The following SEMA5A variants were observed in gnomAD, a reference collection of about 807,000 sequenced individuals.
SEMA5A encodes semaphorin-5A.
Under a neutral mutation model 135.5 loss-of-function variants are expected in SEMA5A, and 55 were observed. The ratio of observed to expected loss-of-function variants is 0.41; its 90% CI spans 0.33 to 0.51. SEMA5A has a LOEUF of 0.51. Ranked by LOEUF, SEMA5A falls within the 20% of genes least tolerant of loss-of-function variation. The pLI is 0.37. For synonymous variants in SEMA5A, 580 were observed against 546.5 expected (o/e 1.06, Z -0.85); for missense variants, 1,290 against 1,419.9 (o/e 0.91, Z 1.47).
Position 9,205,077 on chromosome 5 carries a change from T to A in SEMA5A, c.647-2837A>T, listed in dbSNP as rs979777380. 1.1e-4 allele frequency among the ~76,000 whole-genome samples: 17 copies of A among 152,128 alleles called. No homozygotes were observed. The South Asian group carries it at 3.5e-3, about 32-fold the overall frequency. On this transcript the variant is annotated intron_variant, in intron 8 of 22. Transcript: ENST00000382496. ...GTTTAGGGACCACTGCATTACACTA[T>A]ACTGAAAAAAATAAATAGTGCTTGC...
At chr5:9,477,703 C>T (rs1176421624) in intron 1 of SEMA5A, among the ~76,000 whole-genome samples, 2 of 152,166 alleles carry the variant, frequency 1.3e-5, no homozygotes, top group African/African-American at 2.4e-5. Context: ...AAGATGTGAC[C>T]TGGGTGCTCC....
chr5:9,062,842 G>A, intron 18 of SEMA5A, 45 bp downstream of exon 18: 1 of 1,594,476 alleles, frequency 6.3e-7, no homozygotes, highest in Non-Finnish European at 8.6e-7. Context: ...ACTCTCCAAG[G>A]CCCTTGAGTT....
At chr5:9,386,222 T>C (rs1017799986) in intron 2 of SEMA5A, among the ~76,000 whole-genome samples, 2 of 152,122 alleles carry the variant, frequency 1.3e-5, no homozygotes, top group African/African-American at 4.8e-5. Context: ...AATGCAGAAA[T>C]ACTAAAGAAT....
At chr5:9,475,542 T>C (rs1759638464) in intron 1 of SEMA5A, among the ~76,000 whole-genome samples, 1 of 152,204 alleles carries the variant, frequency 6.6e-6, no homozygotes, top group African/African-American at 2.4e-5. Flanking sequence ...TTATTTTCCA[T>C]TTCATAAAAG....
chr5:9,173,804 A>T (rs1425922217), intron 11 of SEMA5A, among the ~76,000 whole-genome samples: 1 of 152,202 alleles, frequency 6.6e-6, no homozygotes, highest in Non-Finnish European at 1.5e-5. Context: ...CTCCAAGGAA[A>T]TGTTGATCTG....
rs1265457605 is a variant in SEMA5A at position 9,038,145 on chromosome 5, G to A, written c.*4752C>T. On this transcript the variant is annotated 3_prime_UTR_variant, in exon 23 of 23. Transcript: ENST00000382496. ...AAGTTAGGATGAACAAATGGGCTAG[G>A]CAAGGCCAAGGCCATCTGTAAACTC... 6.6e-6 allele frequency: 1 copy of A among 152,228 alleles called. No homozygotes were observed. The highest frequency in any genetic ancestry group is 1.9e-4 in the East Asian group (1 of 5,196). 9.4% of individuals were successfully genotyped at this position (152,228 alleles called of 1,614,324 possible). A position where few individuals can be genotyped will look rare whatever the true frequency, so the allele number is the denominator to read the frequency against.
intron 1 of SEMA5A, among the ~76,000 whole-genome samples, chr5:9,502,686 G>C (rs1735659315): frequency 6.6e-6 from 1 of 152,164 alleles, no homozygotes; most frequent in Non-Finnish European, 1.5e-5. Flanking sequence ...CGCAGTCATA[G>C]TGGGAGGCCT....
intron 1 of SEMA5A, among the ~76,000 whole-genome samples, chr5:9,538,860 C>T (rs1193481145): frequency 6.6e-6 from 1 of 152,192 alleles, no homozygotes; most frequent in Admixed American, 6.5e-5. Flanking sequence ...AAAACATTTC[C>T]CAGTAGACGC....
chr5:9,104,672 A>G (rs1479501661), intron 16 of SEMA5A, among the ~76,000 whole-genome samples: 1 of 152,206 alleles, frequency 6.6e-6, no homozygotes, highest in African/African-American at 2.4e-5. Flanking sequence ...GTGGAGAAGT[A>G]GAACAGCAGG....
intron 16 of SEMA5A, among the ~76,000 whole-genome samples, chr5:9,070,958 A>G (rs1182371421): frequency 6.6e-6 from 1 of 152,178 alleles, no homozygotes; most frequent in Non-Finnish European, 1.5e-5. Flanking sequence ...TTTACTAGAG[A>G]ACTGCTGCTG....
At chr5:9,093,385 G>A (rs949818405) in intron 16 of SEMA5A, among the ~76,000 whole-genome samples, 2 of 152,112 alleles carry the variant, frequency 1.3e-5, no homozygotes, top group African/African-American at 4.8e-5. Flanking sequence ...GTTGGTACAG[G>A]TCTAATTATG....
At chr5:9,152,334 T>C (rs1742677772) in intron 12 of SEMA5A, among the ~76,000 whole-genome samples, 1 of 152,168 alleles carries the variant, frequency 6.6e-6, no homozygotes. Context: ...CCCAATCCTG[T>C]TACCCACTGA....
At chr5:9,218,386 G>A (rs765810955) in intron 8 of SEMA5A, among the ~76,000 whole-genome samples, 1 of 152,126 alleles carries the variant, frequency 6.6e-6, no homozygotes, top group Non-Finnish European at 1.5e-5. Context: ...GGAAGTTTGG[G>A]CAGAACAGTG....
intron 1 of SEMA5A, among the ~76,000 whole-genome samples, chr5:9,476,070 T>A (rs564897565): frequency 6.6e-6 from 1 of 152,232 alleles, no homozygotes; most frequent in Non-Finnish European, 1.5e-5. Flanking sequence ...CATTCACATA[T>A]AATAGATATT....
intron 1 of SEMA5A, among the ~76,000 whole-genome samples, chr5:9,439,650 G>C (rs1443140076): frequency 6.6e-6 from 1 of 152,086 alleles, no homozygotes; most frequent in East Asian, 1.9e-4. Flanking sequence ...AAGAGACTGG[G>C]GCCAAAAAGA....
intron 16 of SEMA5A, among the ~76,000 whole-genome samples, chr5:9,069,352 G>A (rs1266802765): frequency 1.3e-5 from 2 of 152,000 alleles, no homozygotes; most frequent in African/African-American, 2.4e-5. Flanking sequence ...ATGCTTCTTC[G>A]ATGTATTTCC....
intron 5 of SEMA5A, among the ~76,000 whole-genome samples, chr5:9,247,859 A>G (rs1579705394): frequency 6.6e-6 from 1 of 152,246 alleles, no homozygotes; most frequent in South Asian, 2.1e-4. Flanking sequence ...AGGATAATAT[A>G]CTCTGTTCAA....
chr5:9,213,619 T>C (rs1391028514), intron 8 of SEMA5A, among the ~76,000 whole-genome samples: 1 of 152,226 alleles, frequency 6.6e-6, no homozygotes, highest in Non-Finnish European at 1.5e-5. Flanking sequence ...AAATCCTACC[T>C]GCTGCCCATT....
intron 4 of SEMA5A, among the ~76,000 whole-genome samples, chr5:9,326,131 C>T (rs903774437): frequency 5.9e-5 from 9 of 152,222 alleles, no homozygotes; most frequent in Admixed American, 2.6e-4. Flanking sequence ...ACAATACTTT[C>T]CTCACTGCAA....
Sources: allele counts gnomAD v4.1 joint callset (sites outside exome capture counted in the v4.1 genomes callset), GRCh38; gene constraint gnomAD v4.1.1; transcripts MANE v1.5; gene names NCBI Gene and HGNC (gene_info 2026-07-23, HGNC 2026-07-21).